MMP26: variants seen among roughly 807,000 people sequenced by gnomAD.
The protein encoded by MMP26 is matrix metalloproteinase-26.
Under a neutral mutation model 31.0 loss-of-function variants are expected in MMP26, and 33 were observed. That is an observed-to-expected ratio of 1.06 (90% CI 0.81 to 1.42). MMP26 has a LOEUF of 1.42. MMP26 is among the 40% of genes most tolerant of loss of function. MMP26 has a pLI of 0.00. For synonymous variants in MMP26, 122 were observed against 114.9 expected (o/e 1.06, Z -0.40); for missense variants, 347 against 316.1 (o/e 1.10, Z -0.74).
intron 1 of MMP26, among the ~76,000 whole-genome samples, chr11:4,729,781 G>C (rs1383161054): frequency 6.6e-6 from 1 of 151,918 alleles, no homozygotes; most frequent in East Asian, 1.9e-4. Flanking sequence ...GTGCAAATGA[G>C]AAAGCCTCTC....
intron 2 of MMP26, among the ~76,000 whole-genome samples, chr11:4,938,481 A>G (rs897034924): frequency 6.6e-6 from 1 of 151,970 alleles, no homozygotes; most frequent in African/African-American, 2.4e-5. Context: ...AAACAAAAAG[A>G]AAGCCAAACA....
At chr11:4,788,409 T>C (rs1256395243) in intron 2 of MMP26, among the ~76,000 whole-genome samples, 2 of 151,962 alleles carry the variant, frequency 1.3e-5, no homozygotes, top group East Asian at 3.9e-4. Context: ...TGCTACCACA[T>C]GCACAATTCA....
At chr11:4,864,125 G>A (rs1392451810) in intron 2 of MMP26, among the ~76,000 whole-genome samples, 4 of 152,168 alleles carry the variant, frequency 2.6e-5, no homozygotes, top group East Asian at 1.9e-4. Flanking sequence ...TGTTTGGAAC[G>A]GATAGAATGA....
chr11:4,764,312 A>T (rs962475973), intron 1 of MMP26, among the ~76,000 whole-genome samples: 1 of 152,200 alleles, frequency 6.6e-6, no homozygotes, highest in Non-Finnish European at 1.5e-5. Flanking sequence ...ACATGTCATT[A>T]ATTAAATGTT....
In MMP26 at chr11:4,992,394, C is replaced by G. The variant is rs1016239137; in HGVS notation, c.*152C>G. ...GTTAGCTGAACCGACACTCAAAACGCTACTGAGTCACAATAAAGATTGTTT... is the reference window on the plus strand; with the variant it reads ...GTTAGCTGAACCGACACTCAAAACGGTACTGAGTCACAATAAAGATTGTTT... On this transcript the variant is annotated 3_prime_UTR_variant, in exon 8 of 8. Transcript: ENST00000380390. 2 of 660,318 alleles carry G rather than the reference C, an allele frequency of 3.0e-6. No homozygotes were observed. Among genetic ancestry groups the G allele is most frequent in the Non-Finnish European group, 5.3e-6 (2 of 378,434 alleles). The allele number at this position is 660,318 out of a possible 1,614,324, so 40.9% of individuals were successfully genotyped here.
intron 2 of MMP26, among the ~76,000 whole-genome samples, chr11:4,958,207 C>T (rs548954339): frequency 1.6e-4 from 24 of 152,342 alleles, no homozygotes; most frequent in Admixed American, 9.1e-4. Flanking sequence ...TTCTGCATTT[C>T]AATCCCCTCT....
At chr11:4,847,299 A>G (rs897388233) in intron 2 of MMP26, among the ~76,000 whole-genome samples, 2 of 152,228 alleles carry the variant, frequency 1.3e-5, no homozygotes, top group African/African-American at 4.8e-5. Context: ...GCTACTAGGA[A>G]GTAAAGAATT....
chr11:4,796,224 A>G (rs1359968014), intron 2 of MMP26, among the ~76,000 whole-genome samples: 1 of 152,200 alleles, frequency 6.6e-6, no homozygotes, highest in Non-Finnish European at 1.5e-5. Context: ...GTCTTTGCCA[A>G]TGCTGATTCC....
intron 2 of MMP26, among the ~76,000 whole-genome samples, chr11:4,824,523 C>A (rs1849555768): frequency 6.6e-6 from 1 of 152,244 alleles, no homozygotes; most frequent in Non-Finnish European, 1.5e-5. Context: ...AGTACGGCAA[C>A]TGCTGACCTT....
At position 4,932,161 on chromosome 11, in the gene MMP26, C is replaced by T. The variant is rs116361065; in HGVS notation, c.-144-55907C>T. ...TCAGCAACAGGCAGGCACAGACACA[C>T]AGGTGGAGGTCTACACTGATTCATA... On this transcript the variant is annotated intron_variant, in intron 2 of 7. Coordinates refer to ENST00000380390, the MANE Select transcript of MMP26 (RefSeq NM_021801.5). 3.9e-3 allele frequency among the ~76,000 whole-genome samples: 599 copies of T among 152,056 alleles called. 6 individuals are homozygous for T. Among genetic ancestry groups the T allele is most frequent in the African/African-American group, 0.014 (570 of 41,454 alleles).
intron 2 of MMP26, among the ~76,000 whole-genome samples, chr11:4,885,279 A>G (rs1448829451): frequency 6.6e-6 from 1 of 152,140 alleles, no homozygotes; most frequent in Non-Finnish European, 1.5e-5. Flanking sequence ...AAAATTTAAA[A>G]TCTAATACCA....
intron 1 of MMP26, among the ~76,000 whole-genome samples, chr11:4,762,967 G>T (rs113616307): frequency 6.6e-6 from 1 of 152,144 alleles, no homozygotes; most frequent in South Asian, 2.1e-4. Context: ...ACACAGGATT[G>T]GGATTTAGTA....
intron 2 of MMP26, among the ~76,000 whole-genome samples, chr11:4,842,198 A>G (rs559760267): frequency 1.3e-5 from 2 of 152,350 alleles, no homozygotes; most frequent in Admixed American, 6.5e-5. Context: ...TGCAGCAGAA[A>G]CAAAGTTAAG....
chr11:4,966,414 A>G (rs1320944788), intron 2 of MMP26, among the ~76,000 whole-genome samples: 1 of 152,074 alleles, frequency 6.6e-6, no homozygotes, highest in East Asian at 1.9e-4. Flanking sequence ...CATCGGGGGA[A>G]TGGTAGAGGA....
intron 2 of MMP26, chr11:4,849,191 A>G: frequency 6.2e-7 from 1 of 1,611,066 alleles, no homozygotes. Flanking sequence ...GGGCTATCTG[A>G]GTTGGTAATG....
chr11:4,771,853 G>T (rs538187737), intron 2 of MMP26, among the ~76,000 whole-genome samples: 2 of 152,082 alleles, frequency 1.3e-5, no homozygotes, highest in Non-Finnish European at 2.9e-5. Context: ...TATGTGGATC[G>T]ATGAGGACAG....
At chr11:4,788,373 G>A (rs537596413) in intron 2 of MMP26, among the ~76,000 whole-genome samples, 90 of 151,924 alleles carry the variant, frequency 5.9e-4, no homozygotes, top group Middle Eastern at 3.4e-3. Context: ...AGAGAATTGA[G>A]GGTTCTAGTT....
intron 2 of MMP26, chr11:4,821,353 A>T: frequency 6.6e-7 from 1 of 1,525,424 alleles, no homozygotes; most frequent in Non-Finnish European, 9.0e-7. Context: ...GAGATGTTAC[A>T]AGTGATAAAC....
intron 2 of MMP26, among the ~76,000 whole-genome samples, chr11:4,784,984 A>C (rs1432632723): frequency 1.3e-5 from 2 of 152,224 alleles, no homozygotes; most frequent in Non-Finnish European, 2.9e-5. Flanking sequence ...ATTTTGCCAG[A>C]GTCACAGGCC....
Sources: allele counts gnomAD v4.1 joint callset (sites outside exome capture counted in the v4.1 genomes callset), GRCh38; gene constraint gnomAD v4.1.1; transcripts MANE v1.5; gene names NCBI Gene and HGNC (gene_info 2026-07-23, HGNC 2026-07-21).